ABLIM2: variants seen among roughly 807,000 people sequenced by gnomAD.
ABLIM2 encodes the protein actin binding LIM protein family member 2.
ABLIM2 carries 53 observed loss-of-function variants against 97.7 expected under a neutral mutation model. The ratio of observed to expected loss-of-function variants is 0.54; its 90% confidence interval spans 0.44 to 0.68. ABLIM2 has a LOEUF of 0.68. Ranked by LOEUF, ABLIM2 falls within the 30% of genes least tolerant of loss-of-function variation. The pLI is 0.00. For missense variants in ABLIM2, 835 were observed against 867.2 expected, an observed-to-expected ratio of 0.96 and a Z score of 0.47; for synonymous variants, 361 against 345.8, an observed-to-expected ratio of 1.04 and a Z score of -0.49.
At chr4:8,012,119 C>A (rs771224617) in intron 14 of ABLIM2, among the ~76,000 whole-genome samples, 3 of 151,128 alleles carry the variant, frequency 2.0e-5, no homozygotes, top group Non-Finnish European at 4.4e-5. Context: ...TCCACCCATC[C>A]TTCACCCATC....
In ABLIM2 at chr4:8,095,008, TTC is replaced by T. The variant is rs35304579; in HGVS notation, c.338+2089_338+2090del. Reference sequence around the variant, plus strand: ...TCTCTTTCTTTTCCTTTTTCTTTCTTTCTCTCTCTCTCTCCCCCCACTTCTTT... The same window carrying T: ...TCTCTTTCTTTTCCTTTTTCTTTCTTTCTCTCTCTCTCCCCCCACTTCTTT... On this transcript the variant is annotated intron_variant, in intron 3 of 20. Coordinates refer to ENST00000447017, the MANE Select transcript of ABLIM2 (RefSeq NM_001130083.2). This position sits in a 1 kb window ranked among gnomAD's most constrained non-coding sequence, Gnocchi z 4.7. Among the ~76,000 whole-genome samples, 35,450 of 144,740 alleles carry T rather than the reference TTC, an allele frequency of 0.24. 4,635 individuals are homozygous for T. Among genetic ancestry groups the T allele is most frequent in the East Asian group, 0.31 (1,500 of 4,866 alleles). 95.0% of individuals were successfully genotyped at this position (144,740 alleles called of 152,430 possible).
chr4:8,050,343 T>C lies in ABLIM2; in HGVS notation c.822+3845A>G, dbSNP rs191833574. 6.7e-3 allele frequency among the ~76,000 whole-genome samples: 1,015 copies of C among 152,272 alleles called. 5 individuals are homozygous for C. Among genetic ancestry groups the C allele is most frequent in the African/African-American group, 0.016 (665 of 41,546 alleles). On this transcript the variant is annotated intron_variant, in intron 8 of 20. Coordinates refer to ENST00000447017, the MANE Select transcript of ABLIM2 (RefSeq NM_001130083.2). ...TGGTGCAGAAGGGGCAGCCATGCGA[T>C]CAGGGCCACCTTCCAGGCTGCAGAG...
In ABLIM2 at chr4:8,019,788, A is replaced by G; in HGVS notation, c.1370-117T>C. The G allele has an allele frequency of 1.9e-6, 2 of 1,044,434 alleles. No individual in the cohort carries two copies. Among genetic ancestry groups the G allele is most frequent in the East Asian group, 2.5e-5 (1 of 39,808 alleles). 64.7% of individuals were successfully genotyped at this position (1,044,434 alleles called of 1,614,324 possible). On this transcript the variant is annotated intron_variant, in intron 13 of 20. Transcript: ENST00000447017. This position sits in a 1 kb window ranked among gnomAD's most constrained non-coding sequence, Gnocchi z 4.3. Reference sequence around the variant, plus strand: ...GCACTCACCCAGATTTAGAATCATCAGGCAGGAACTGGCACCCAGCGAGCG... The same window carrying G: ...GCACTCACCCAGATTTAGAATCATCGGGCAGGAACTGGCACCCAGCGAGCG...
intron 18 of ABLIM2, among the ~76,000 whole-genome samples, chr4:7,984,358 A>G (rs908743173): frequency 1.3e-5 from 2 of 152,210 alleles, no homozygotes; most frequent in African/African-American, 4.8e-5. Context: ...ACAGAGGCTG[A>G]CAGGAGGTGA....
chr4:8,076,884 A>G (rs182636391), intron 6 of ABLIM2, among the ~76,000 whole-genome samples: 2 of 5,450 alleles, frequency 3.7e-4, no homozygotes, highest in African/African-American at 8.0e-4. Flanking sequence ...AGGGTGGGCT[A>G]CAGGGTGGGG....
chr4:8,118,191 A>G (rs1167200606), intron 1 of ABLIM2, among the ~76,000 whole-genome samples: 1 of 152,210 alleles, frequency 6.6e-6, no homozygotes, highest in Admixed American at 6.5e-5. Flanking sequence ...AGCCCAGCAC[A>G]CAGCATGAGC....
At chr4:8,108,957 A>G (rs1838918181) in intron 1 of ABLIM2, among the ~76,000 whole-genome samples, 1 of 152,266 alleles carries the variant, frequency 6.6e-6, no homozygotes, top group South Asian at 2.1e-4. Flanking sequence ...GCACCAGGCC[A>G]GAGCGAGGAG....
At chr4:8,048,355 G>C (rs1402939320) in intron 8 of ABLIM2, among the ~76,000 whole-genome samples, 1 of 152,210 alleles carries the variant, frequency 6.6e-6, no homozygotes, top group Non-Finnish European at 1.5e-5. Context: ...GAAGGGCTGG[G>C]AGCTCACCTG....
Position 8,023,312 on chromosome 4 carries a change from C to T in ABLIM2, c.1268-3009G>A, listed in dbSNP as rs1292935253. On this transcript the variant is annotated intron_variant, in intron 12 of 20. Transcript: ENST00000447017. The surrounding 1 kb of genome is among the most constrained non-coding windows in gnomAD (Gnocchi z 5.7). ...CCACCCAGGAAACATGACGTTCTGT[C>T]GGCACGTCTCCCAAGGCTCCTCTCG... 1.3e-5 allele frequency among the ~76,000 whole-genome samples: 2 copies of T among 152,354 alleles called. No individual in the cohort carries two copies. The highest frequency in any genetic ancestry group is 2.1e-4 in the South Asian group (1 of 4,822).
chr4:8,020,382 T>G, intron 12 of ABLIM2, 79 bp from the exon 13 acceptor site: 3 of 1,299,100 alleles, frequency 2.3e-6, no homozygotes, highest in Non-Finnish European at 3.3e-6. Flanking sequence ...ATGAAAAGCT[T>G]ATTTGCAGCG....
intron 1 of ABLIM2, among the ~76,000 whole-genome samples, chr4:8,129,684 C>T (rs188816202): frequency 1.2e-4 from 18 of 152,188 alleles, no homozygotes; most frequent in Non-Finnish European, 5.9e-5. Context: ...CCTGCGGACA[C>T]ACCTTTCAGC....
chr4:7,973,112 T>TGTGTGTGTGTGTGTGTGTGTGG (rs1729570150), intron 20 of ABLIM2, among the ~76,000 whole-genome samples: 1 of 145,958 alleles, frequency 6.9e-6, no homozygotes, highest in Non-Finnish European at 1.5e-5. Context: ...TGTGTGTGTG[T>TGTGTGTGTGTGTGTGTGTGTGG]AGGGTGAGGG....
intron 9 of ABLIM2, among the ~76,000 whole-genome samples, chr4:8,036,955 T>C (rs974661508): frequency 6.6e-6 from 1 of 152,232 alleles, no homozygotes; most frequent in Admixed American, 6.5e-5. Flanking sequence ...AATCCTCATA[T>C]GCTCAGGTTG....
chr4:8,023,444 T>C lies in ABLIM2; in HGVS notation c.1268-3141A>G, dbSNP rs554777185. Among the ~76,000 whole-genome samples, 2 of 152,362 alleles carry C rather than the reference T, an allele frequency of 1.3e-5. No individual in the cohort carries two copies. Among genetic ancestry groups the C allele is most frequent in the South Asian group, 4.1e-4 (2 of 4,830 alleles). On this transcript the variant is annotated intron_variant, in intron 12 of 20. Coordinates refer to ENST00000447017, the MANE Select transcript of ABLIM2 (RefSeq NM_001130083.2). The surrounding 1 kb of genome is among the most constrained non-coding windows in gnomAD (Gnocchi z 5.7). ...TTTTCTCATGGCGATACTGGGCTTATGGGGTTGAGAAGGAAGCCCATGAGG... is the reference window on the plus strand; with the variant it reads ...TTTTCTCATGGCGATACTGGGCTTACGGGGTTGAGAAGGAAGCCCATGAGG...
At chr4:8,108,794 A>G (rs1371216181) in intron 1 of ABLIM2, among the ~76,000 whole-genome samples, 1 of 152,236 alleles carries the variant, frequency 6.6e-6, no homozygotes, top group Non-Finnish European at 1.5e-5. Context: ...CCCTTGCCAC[A>G]GCGGCTCTGA....
In ABLIM2 at chr4:8,155,318, C is replaced by T. The variant is rs2152965467; in HGVS notation, c.10+3362G>A. The stretch of plus-strand genomic sequence containing the variant: ...TCTTGGATTAGGTGAAGAAATGTGT[C>T]TCTGTTCCAAATACTAGGATCTGCA... On this transcript the variant is annotated intron_variant, in intron 1 of 20. Transcript: ENST00000447017. This position sits in a 1 kb window ranked among gnomAD's most constrained non-coding sequence, Gnocchi z 4.2. Among the ~76,000 whole-genome samples, 1 of 152,308 alleles carries T rather than the reference C, an allele frequency of 6.6e-6. No individual in the cohort carries two copies. The highest frequency in any genetic ancestry group is 1.9e-4 in the East Asian group (1 of 5,192).
chr4:8,094,761 C>T (rs981199436), intron 3 of ABLIM2, among the ~76,000 whole-genome samples: 5 of 152,148 alleles, frequency 3.3e-5, no homozygotes, highest in African/African-American at 9.7e-5. Flanking sequence ...TGGTCTCCTC[C>T]CTTATTGCTA....
At chr4:7,989,854 A>T (rs912362130) in intron 17 of ABLIM2, among the ~76,000 whole-genome samples, 1 of 152,208 alleles carries the variant, frequency 6.6e-6, no homozygotes, top group Admixed American at 6.5e-5. Context: ...TAACAGACAC[A>T]TGGTATGCAT....
intron 6 of ABLIM2, among the ~76,000 whole-genome samples, chr4:8,070,328 C>T (rs1811125746): frequency 1.3e-5 from 2 of 151,358 alleles, no homozygotes; most frequent in Admixed American, 1.3e-4. Context: ...TGCACGTGTG[C>T]AAAATCTGAA....
Sources: gnomAD v4.1 joint callset for allele counts (sites outside exome capture counted in the v4.1 genomes callset) on GRCh38, gnomAD v4.1.1 for gene constraint, Gnocchi (gnomAD v3.1) non-coding constraint, MANE v1.5 for transcripts, NCBI Gene and HGNC (gene_info 2026-07-23, HGNC 2026-07-21) for gene names.